The following LRFN2 variants were observed in gnomAD, a reference collection of about 807,000 sequenced individuals.
LRFN2 encodes the protein leucine rich repeat and fibronectin type III domain containing 2, also known as leucine-rich repeat and fibronectin type-III domain-containing protein 2.
A neutral mutation model predicts 37.3 loss-of-function variants in LRFN2; 18 were observed. That is an observed-to-expected ratio of 0.48 (90% CI 0.33 to 0.72). The LOEUF (loss-of-function observed/expected upper bound fraction) is 0.72, where lower values mean the gene tolerates loss of function less well. LRFN2 is among the 30% of genes least tolerant of loss of function. LRFN2 has a pLI of 0.02. For synonymous variants in LRFN2, 556 were observed against 466.6 expected, an observed-to-expected ratio of 1.19 and a Z score of -2.47; for missense variants, 1,006 against 1,060.7, an observed-to-expected ratio of 0.95 and a Z score of 0.72.
intron 1 of LRFN2, among the ~76,000 whole-genome samples, chr6:40,454,927 C>A (rs1290409993): frequency 1.3e-5 from 2 of 152,132 alleles, no homozygotes; most frequent in South Asian, 4.1e-4. Context: ...ATAAGCACAT[C>A]TATTTATCTT....
At chr6:40,554,409 G>A (rs1766831934) in intron 1 of LRFN2, among the ~76,000 whole-genome samples, 1 of 152,086 alleles carries the variant, frequency 6.6e-6, no homozygotes, top group African/African-American at 2.4e-5. Flanking sequence ...ATGGAGGGAA[G>A]GGTGGATGGG....
chr6:40,455,883 C>A (rs571387035), intron 1 of LRFN2, among the ~76,000 whole-genome samples: 34 of 152,164 alleles, frequency 2.2e-4, no homozygotes, highest in Non-Finnish European at 3.1e-4. Flanking sequence ...CCTGGGTGGG[C>A]CTGACCTAAT....
At chr6:40,447,511 T>C (rs1396213667) in intron 1 of LRFN2, among the ~76,000 whole-genome samples, 1 of 152,178 alleles carries the variant, frequency 6.6e-6, no homozygotes, top group East Asian at 1.9e-4. Context: ...ACAAGTTTGT[T>C]CCCAAACCTT....
intron 1 of LRFN2, among the ~76,000 whole-genome samples, chr6:40,442,100 A>C (rs913411582): frequency 6.6e-6 from 1 of 152,014 alleles, no homozygotes; most frequent in East Asian, 1.9e-4. Context: ...ACCCCAGTTC[A>C]CTAACACACC....
intron 1 of LRFN2, among the ~76,000 whole-genome samples, chr6:40,546,023 C>A (rs1286453672): frequency 6.6e-6 from 1 of 152,124 alleles, no homozygotes; most frequent in African/African-American, 2.4e-5. Context: ...ACATTTTAGA[C>A]AAGTAGCTTC....
intron 1 of LRFN2, among the ~76,000 whole-genome samples, chr6:40,484,048 C>T (rs1406661070): frequency 1.3e-5 from 2 of 152,208 alleles, no homozygotes; most frequent in Non-Finnish European, 2.9e-5. Context: ...AAAACCTTTA[C>T]CAAGGGGATC....
At chr6:40,552,600 C>G (rs1766797302) in intron 1 of LRFN2, among the ~76,000 whole-genome samples, 2 of 152,174 alleles carry the variant, frequency 1.3e-5, no homozygotes, top group African/African-American at 2.4e-5. Flanking sequence ...CAAATCATAT[C>G]TACAGCTAAA....
chr6:40,468,063 C>T (rs927002566), intron 1 of LRFN2, among the ~76,000 whole-genome samples: 4 of 152,078 alleles, frequency 2.6e-5, no homozygotes, highest in African/African-American at 7.2e-5. Context: ...TCACCCAGGA[C>T]GGGGGTTCCC....
At chr6:40,496,623 G>A (rs1040070006) in intron 1 of LRFN2, among the ~76,000 whole-genome samples, 21 of 152,148 alleles carry the variant, frequency 1.4e-4, no homozygotes, top group Non-Finnish European at 1.3e-4. Context: ...GTCAGATGCA[G>A]TGTCCTCAGA....
chr6:40,475,040 G>C (rs924852926), intron 1 of LRFN2, among the ~76,000 whole-genome samples: 1 of 152,176 alleles, frequency 6.6e-6, no homozygotes, highest in Non-Finnish European at 1.5e-5. Context: ...GGTTGTCGGA[G>C]ACTAGGGCTT....
intron 1 of LRFN2, among the ~76,000 whole-genome samples, chr6:40,540,830 G>A (rs1437388675): frequency 1.3e-5 from 2 of 152,180 alleles, no homozygotes; most frequent in Non-Finnish European, 1.5e-5. Context: ...GACGCCCAGG[G>A]AGGCAAACAT....
intron 2 of LRFN2, among the ~76,000 whole-genome samples, chr6:40,402,545 T>C (rs1213672601): frequency 6.6e-6 from 1 of 152,232 alleles, no homozygotes; most frequent in Non-Finnish European, 1.5e-5. Flanking sequence ...ATATTTTCCA[T>C]GTATTAGTTA....
At chr6:40,535,967 T>TC (rs1240915974) in intron 1 of LRFN2, among the ~76,000 whole-genome samples, 1 of 152,008 alleles carries the variant, frequency 6.6e-6, no homozygotes, top group Non-Finnish European at 1.5e-5. Context: ...AGCCAATGGG[T>TC]CCAGCCTGAG....
intron 1 of LRFN2, among the ~76,000 whole-genome samples, chr6:40,465,047 CA>C (rs1764427724): frequency 6.6e-6 from 1 of 151,938 alleles, no homozygotes; most frequent in African/African-American, 2.4e-5. Flanking sequence ...TGGGAGCATC[CA>C]ATATAATCAA....
chr6:40,545,773 G>C (rs1766649932), intron 1 of LRFN2, among the ~76,000 whole-genome samples: 1 of 152,142 alleles, frequency 6.6e-6, no homozygotes, highest in South Asian at 2.1e-4. Flanking sequence ...ATGAAGCCAG[G>C]GCCTGGGTCT....
chr6:40,537,959 C>T (rs184056255), intron 1 of LRFN2, among the ~76,000 whole-genome samples: 38 of 152,130 alleles, frequency 2.5e-4, no homozygotes, highest in African/African-American at 9.2e-4. Flanking sequence ...CCCATGCAGC[C>T]CCTCTTGCCC....
chr6:40,455,444 C>T (rs1329367958), intron 1 of LRFN2, among the ~76,000 whole-genome samples: 1 of 152,208 alleles, frequency 6.6e-6, no homozygotes, highest in East Asian at 1.9e-4. Context: ...GATCTGGCTT[C>T]AAGAGCAGAC....
chr6:40,438,963 G>A (rs1359068917), intron 1 of LRFN2, among the ~76,000 whole-genome samples: 1 of 152,212 alleles, frequency 6.6e-6, no homozygotes. Flanking sequence ...GATGAGGACA[G>A]AGAGTGGAAA....
chr6:40,424,274 A>G (rs1763295546), intron 2 of LRFN2, among the ~76,000 whole-genome samples: 1 of 152,196 alleles, frequency 6.6e-6, no homozygotes, highest in African/African-American at 2.4e-5. Context: ...GCTGACAGAG[A>G]AAATCCCTGT....
Sources: gnomAD v4.1 joint callset for allele counts (sites outside exome capture counted in the v4.1 genomes callset) on GRCh38, gnomAD v4.1.1 for gene constraint, MANE v1.5 for transcripts, NCBI Gene and HGNC (gene_info 2026-07-23, HGNC 2026-07-21) for gene names.